The following LPCAT1 variants were observed in gnomAD, a reference collection of about 807,000 sequenced individuals.
The protein encoded by LPCAT1 is lysophosphatidylcholine acyltransferase 1.
A neutral mutation model predicts 60.9 loss-of-function variants in LPCAT1; 23 were observed. That is an observed-to-expected ratio of 0.38 (90% CI 0.27 to 0.53). The LOEUF is 0.53. LPCAT1 is among the 20% of genes least tolerant of loss of function. The pLI is 0.82. For missense variants in LPCAT1, 622 were observed against 723.6 expected (o/e 0.86, Z 1.61); for synonymous variants, 340 against 301.1 (o/e 1.13, Z -1.34).
intron 13 of LPCAT1, among the ~76,000 whole-genome samples, chr5:1,464,449 T>C (rs1378555892): frequency 3.3e-5 from 5 of 152,154 alleles, no homozygotes; most frequent in African/African-American, 9.7e-5. Flanking sequence ...CCAGGGATGG[T>C]TGTTACTGGA....
At position 1,521,100 on chromosome 5, in the gene LPCAT1, T is replaced by C. The variant is rs1230678183; in HGVS notation, c.135+2610A>G. 6.6e-6 allele frequency among the ~76,000 whole-genome samples: 1 copy of C among 152,182 alleles called. No homozygotes were observed. The highest frequency in any genetic ancestry group is 1.5e-5 in the Non-Finnish European group (1 of 68,040). On this transcript the variant is annotated intron_variant, in intron 1 of 13. Transcript: ENST00000283415. The surrounding 1 kb of genome is among the most constrained non-coding windows in gnomAD (Gnocchi z 4.3). ...CATTTACCGCTCTCTACTAAATCTA[T>C]ATCCTTGCTTTAGCCAGAGGATTAA...
rs1439902604 is a variant in LPCAT1 at position 1,523,749 on chromosome 5, G to C, written c.96C>G (p.Phe32Leu). Reference sequence around the variant, plus strand: ...GGGCGCTGAGGCGCAGCTCGTGCACGAAGGGGTTCCGCCCCGGGGGCGCCA... The same window carrying C: ...GGGCGCTGAGGCGCAGCTCGTGCACCAAGGGGTTCCGCCCCGGGGGCGCCA... Reference protein sequence around the residue: ...RLLAPPGRNPFVHELRLSALQ... With the variant: ...RLLAPPGRNPLVHELRLSALQ... The change falls in exon 1 of 14, where the codon TTC becomes TTG. Residue 32 changes from phenylalanine (F) to leucine (L), a missense_variant. Physicochemically the swap from Phe to Leu is conservative, Grantham distance 22 (BLOSUM62 0). Coordinates refer to ENST00000283415, the MANE Select transcript of LPCAT1 (RefSeq NM_024830.5). This position sits in a 1 kb window ranked among gnomAD's most constrained non-coding sequence, Gnocchi z 7.1. 1.7e-6 allele frequency: 2 copies of C among 1,174,664 alleles called. No individual in the cohort carries two copies. Among genetic ancestry groups the C allele is most frequent in the Non-Finnish European group, 1.1e-6 (1 of 944,332 alleles). 72.8% of individuals were successfully genotyped at this position (1,174,664 alleles called of 1,614,324 possible). A position where few individuals can be genotyped will look rare whatever the true frequency, so the allele number is the denominator to read the frequency against.
chr5:1,484,564 G>C (rs1012012249), intron 5 of LPCAT1, among the ~76,000 whole-genome samples: 1 of 152,148 alleles, frequency 6.6e-6, no homozygotes, highest in Non-Finnish European at 1.5e-5. Context: ...AGGAATTTGC[G>C]GTTGGTCCTG....
At position 1,521,666 on chromosome 5, in the gene LPCAT1, G is replaced by A. The variant is rs1004652720; in HGVS notation, c.135+2044C>T. ...TAATTCCTCAGATGGAACCTCTGAAGTGGCAACAAAGCAAGCCCCCTCTCT... is the reference window on the plus strand; with the variant it reads ...TAATTCCTCAGATGGAACCTCTGAAATGGCAACAAAGCAAGCCCCCTCTCT... On this transcript the variant is annotated intron_variant, in intron 1 of 13. Coordinates refer to ENST00000283415, the MANE Select transcript of LPCAT1 (RefSeq NM_024830.5). This position sits in a 1 kb window ranked among gnomAD's most constrained non-coding sequence, Gnocchi z 4.3. 6.6e-6 allele frequency among the ~76,000 whole-genome samples: 1 copy of A among 152,236 alleles called. No homozygotes were observed. Among genetic ancestry groups the A allele is most frequent in the Non-Finnish European group, 1.5e-5 (1 of 68,042 alleles).
intron 1 of LPCAT1, among the ~76,000 whole-genome samples, chr5:1,514,954 A>T (rs961108892): frequency 1.5e-4 from 23 of 152,182 alleles, no homozygotes; most frequent in African/African-American, 5.6e-4. Context: ...GAATCCTGAA[A>T]TTCAGGATCC....
At chr5:1,465,358 G>T (rs562731775) in intron 13 of LPCAT1, among the ~76,000 whole-genome samples, 1 of 136,562 alleles carries the variant, frequency 7.3e-6, no homozygotes. Flanking sequence ...ACATGCGCAC[G>T]CACAAGTGCA....
At chr5:1,479,750 T>C (rs1305311354) in intron 7 of LPCAT1, 75 bp from the exon 8 acceptor site, 54 of 1,173,094 alleles carry the variant, frequency 4.6e-5, no homozygotes, top group Non-Finnish European at 6.7e-5. Flanking sequence ...AATTCTGGGG[T>C]GAAACCTCCA....
intron 12 of LPCAT1, chr5:1,467,305 T>C (rs950733256): frequency 3.8e-5 from 7 of 184,912 alleles, no homozygotes; most frequent in Non-Finnish European, 5.5e-5. Context: ...ACAGCAGACG[T>C]GTTCACAAGC....
chr5:1,502,513 G>A lies in LPCAT1; in HGVS notation c.136-910C>T, dbSNP rs1223050963. On this transcript the variant is annotated intron_variant, in intron 1 of 13. Coordinates refer to ENST00000283415, the MANE Select transcript of LPCAT1 (RefSeq NM_024830.5). The surrounding 1 kb of genome is among the most constrained non-coding windows in gnomAD (Gnocchi z 5.5). ...GGAGGGCAGGGGCGCAGGTCAATAT[G>A]GGGGCTCAGGAAGGCCCCCCAAGCC... Among the ~76,000 whole-genome samples the A allele has an allele frequency of 1.3e-5, 2 of 152,156 alleles. No individual in the cohort carries two copies. Among genetic ancestry groups the A allele is most frequent in the African/African-American group, 4.8e-5 (2 of 41,426 alleles).
rs774720079 is a variant in LPCAT1, at chr5:1,479,579, A to G, written c.816+42T>C. 6 of 1,446,644 alleles carry G rather than the reference A, an allele frequency of 4.1e-6. No homozygotes were observed. In the South Asian group the frequency reaches 5.7e-5, roughly 14 times the overall value. 89.6% of individuals were successfully genotyped at this position (1,446,644 alleles called of 1,614,324 possible). Reference sequence around the variant, plus strand: ...CTGGTGTAAGCTCGTGTCTGCATCAACCACTGTGAAGAGCGCTGTGTAACT... The same window carrying G: ...CTGGTGTAAGCTCGTGTCTGCATCAGCCACTGTGAAGAGCGCTGTGTAACT... On this transcript the variant is annotated intron_variant, in intron 8 of 13. Coordinates refer to ENST00000283415, the MANE Select transcript of LPCAT1 (RefSeq NM_024830.5).
At chr5:1,507,473 A>G (rs1258705016) in intron 1 of LPCAT1, among the ~76,000 whole-genome samples, 5 of 152,222 alleles carry the variant, frequency 3.3e-5, no homozygotes, top group Non-Finnish European at 7.3e-5. Flanking sequence ...ATGCAGGGAG[A>G]GCTTTGGTGC....
Position 1,495,043 on chromosome 5 carries a change from G to A in LPCAT1, c.279-129C>T, listed in dbSNP as rs577743518. The A allele has an allele frequency of 2.4e-5, 19 of 793,624 alleles. No homozygotes were observed. The highest frequency in any genetic ancestry group is 1.2e-4 in the African/African-American group (7 of 57,524). The allele number at this position is 793,624 out of a possible 1,614,324, so 49.2% of individuals were successfully genotyped here. ...AGGCCACGGGCTTCCTGTGGTCGCC[G>A]CCGCTGGGACATCTGCTTGAGGGAA... On this transcript the variant is annotated intron_variant, in intron 2 of 13. Transcript: ENST00000283415. This position sits in a 1 kb window ranked among gnomAD's most constrained non-coding sequence, Gnocchi z 4.7.
intron 1 of LPCAT1, among the ~76,000 whole-genome samples, chr5:1,509,442 G>A (rs549409923): frequency 6.6e-6 from 1 of 152,358 alleles, no homozygotes; most frequent in East Asian, 1.9e-4. Flanking sequence ...GCTGTCCAAG[G>A]TCTAATTTTC....
At position 1,474,027 on chromosome 5, in the gene LPCAT1, G is replaced by A. The variant is rs778505363; in HGVS notation, c.1109C>T (p.Ala370Val). 41 of 1,614,038 alleles carry A rather than the reference G, an allele frequency of 2.5e-5. No individual in the cohort carries two copies. The highest frequency in any genetic ancestry group is 8.0e-5 in the African/African-American group (6 of 74,918). ...RMKGGEKIGI[A>V]EFAASLEVPV... ...GACTTCCAGGGAGGCGGCAAACTCC[G>A]CAATACCTATCTTCTCTCCTCCCTT... is the stretch of plus-strand genomic sequence containing the variant. The change falls in exon 11 of 14, where the codon GCG becomes GTG. Residue 370 changes from alanine to valine, a missense_variant. Ala to Val is a moderately conservative substitution (Grantham distance 64). This residue lies in a region of LPCAT1 where 288 missense variants were observed against 283.6 expected (regional missense o/e 1.02). Transcript: ENST00000283415.
intron 2 of LPCAT1, among the ~76,000 whole-genome samples, chr5:1,497,672 A>G (rs1735844288): frequency 6.6e-6 from 1 of 152,234 alleles, no homozygotes; most frequent in African/African-American, 2.4e-5. Flanking sequence ...CCCCAGGCTG[A>G]GACGCAGGTG....
rs1358180622 is a variant in LPCAT1 at position 1,496,565 on chromosome 5, C to T, written c.279-1651G>A. Among the ~76,000 whole-genome samples the T allele has an allele frequency of 6.6e-6, 1 of 151,910 alleles. No homozygotes were observed. The highest frequency in any genetic ancestry group is 1.9e-4 in the East Asian group (1 of 5,186). Reference sequence around the variant, plus strand: ...AGCCAGTCTCGGGCAGGTTCAGGGGCAGGAGAGAGGACAGCAGGAAAAAAG... The same window carrying T: ...AGCCAGTCTCGGGCAGGTTCAGGGGTAGGAGAGAGGACAGCAGGAAAAAAG... On this transcript the variant is annotated intron_variant, in intron 2 of 13. Transcript: ENST00000283415. This position sits in a 1 kb window ranked among gnomAD's most constrained non-coding sequence, Gnocchi z 4.7.
chr5:1,464,874 T>TAA, intron 13 of LPCAT1, among the ~76,000 whole-genome samples: 1 of 66,270 alleles, frequency 1.5e-5, no homozygotes, highest in Admixed American at 1.6e-4. Context: ...CACATGCGTG[T>TAA]ACACACAAAC....
Position 1,494,961 on chromosome 5 carries a change from G to C in LPCAT1, c.279-47C>G, listed in dbSNP as rs767008755. 5 of 1,521,628 alleles carry C rather than the reference G, an allele frequency of 3.3e-6. No homozygotes were observed. In the Admixed American group the frequency reaches 7.8e-5, roughly 24 times the overall value. 94.3% of individuals were successfully genotyped at this position (1,521,628 alleles called of 1,614,324 possible). ...CACGCGGGCACACGTCCGCAGTCTC[G>C]GAGTCTGTGTGAGGCACAGGGGCGG... is the stretch of plus-strand genomic sequence containing the variant. On this transcript the variant is annotated intron_variant, in intron 2 of 13. Transcript: ENST00000283415.
intron 8 of LPCAT1, among the ~76,000 whole-genome samples, chr5:1,478,077 T>G (rs1430520675): frequency 6.6e-6 from 1 of 152,300 alleles, no homozygotes; most frequent in Non-Finnish European, 1.5e-5. Flanking sequence ...GTAATGGGGA[T>G]AATGCAGCAC....
Sources: gnomAD v4.1 joint callset for allele counts (sites outside exome capture counted in the v4.1 genomes callset) on GRCh38, gnomAD v4.1.1 for gene constraint, gnomAD v4.1.1 regional missense constraint, Gnocchi (gnomAD v3.1) non-coding constraint, MANE v1.5 for transcripts, NCBI Gene and HGNC (gene_info 2026-07-23, HGNC 2026-07-21) for gene names.